The following HIPK3 variants were observed in gnomAD, a reference collection of about 807,000 sequenced individuals.
The protein encoded by HIPK3 is homeodomain-interacting protein kinase 3.
HIPK3 carries 47 observed loss-of-function variants against 124.2 expected under a neutral mutation model. The observed-to-expected ratio is 0.38, with a 90% confidence interval of 0.30 to 0.48. The LOEUF (loss-of-function observed/expected upper bound fraction) is 0.48. Ranked by LOEUF, HIPK3 falls within the 20% of genes least tolerant of loss-of-function variation. The pLI is 0.98. For missense variants in HIPK3, 1,286 were observed against 1,454.3 expected, an observed-to-expected ratio of 0.88 and a Z score of 1.88; for synonymous variants, 482 against 515.2, an observed-to-expected ratio of 0.94 and a Z score of 0.87.
intron 16 of HIPK3, 146 bp from the exon 17 acceptor site, chr11:33,352,946 T>C (rs1200487080): frequency 8.8e-6 from 5 of 565,678 alleles, no homozygotes; most frequent in African/African-American, 3.7e-5. Context: ...TTTTCTCTCC[T>C]CTAGTTATTC....
intron 3 of HIPK3, among the ~76,000 whole-genome samples, chr11:33,333,214 G>T (rs1054871890): frequency 6.6e-6 from 1 of 152,212 alleles, no homozygotes; most frequent in African/African-American, 2.4e-5. Flanking sequence ...TGGGATTTGT[G>T]AAGTATGGAA....
chr11:33,258,266 G>C (rs1463380889), intron 1 of HIPK3: 1 of 978,780 alleles, frequency 1.0e-6, no homozygotes, highest in East Asian at 1.2e-4. Context: ...GTTTTGTTTA[G>C]TCCCACGGGG....
chr11:33,335,181 C>T (rs1445512580), intron 3 of HIPK3, among the ~76,000 whole-genome samples: 1 of 152,020 alleles, frequency 6.6e-6, no homozygotes, highest in Non-Finnish European at 1.5e-5. Context: ...TAGAGTCCAG[C>T]CAGGTTGAAA....
At position 33,328,642 on chromosome 11, in the gene HIPK3, TA is replaced by T; in HGVS notation, c.1221+11del. The stretch of plus-strand genomic sequence containing the variant: ...CCTTGGAGTATGATCAGGTAACAAA[TA>T]ATGATAATCTAATAGAATTGGTAAA... On this transcript the variant is annotated intron_variant, in intron 3 of 16. Transcript: ENST00000303296. The T allele has an allele frequency of 6.2e-7, 1 of 1,611,820 alleles. No individual in the cohort carries two copies. The highest frequency in any genetic ancestry group is 8.5e-7 in the Non-Finnish European group (1 of 1,178,414).
intron 1 of HIPK3, among the ~76,000 whole-genome samples, chr11:33,274,671 A>G (rs1851225418): frequency 1.3e-5 from 2 of 152,166 alleles, no homozygotes; most frequent in Non-Finnish European, 2.9e-5. Context: ...TATAGCTTTT[A>G]AAAATCTAGA....
intron 1 of HIPK3, among the ~76,000 whole-genome samples, chr11:33,259,365 T>C (rs918253086): frequency 6.6e-6 from 1 of 152,246 alleles, no homozygotes; most frequent in Non-Finnish European, 1.5e-5. Context: ...ATTCTGCTTA[T>C]GTTTGCAAGT....
At chr11:33,268,348 A>G (rs936432592) in intron 1 of HIPK3, among the ~76,000 whole-genome samples, 1 of 152,114 alleles carries the variant, frequency 6.6e-6, no homozygotes, top group African/African-American at 2.4e-5. Flanking sequence ...TAATCCTAGC[A>G]CTTTAGGAGG....
chr11:33,341,378 A>G (rs2133987308), intron 7 of HIPK3, among the ~76,000 whole-genome samples, 185 bp from the exon 8 acceptor site: 3 of 152,286 alleles, frequency 2.0e-5, no homozygotes, highest in Admixed American at 2.0e-4. Flanking sequence ...CCACAACTCT[A>G]CCAAAAGTAG....
chr11:33,297,950 T>C (rs749954932), intron 2 of HIPK3, among the ~76,000 whole-genome samples: 3 of 151,844 alleles, frequency 2.0e-5, no homozygotes, highest in South Asian at 2.1e-4. Flanking sequence ...CTACCATGCC[T>C]AGCTAATTTT....
intron 1 of HIPK3, among the ~76,000 whole-genome samples, chr11:33,274,569 A>C (rs977577358): frequency 1.3e-5 from 2 of 152,224 alleles, no homozygotes; most frequent in African/African-American, 4.8e-5. Context: ...TATTAATCTT[A>C]AGTTTACATC....
intron 8 of HIPK3, among the ~76,000 whole-genome samples, chr11:33,346,624 A>C (rs986508549): frequency 1.3e-5 from 2 of 152,248 alleles, no homozygotes; most frequent in Admixed American, 1.3e-4. Flanking sequence ...TTGTCAGCAT[A>C]CTAAGCCAGA....
At chr11:33,276,233 C>T (rs1851265894) in intron 1 of HIPK3, among the ~76,000 whole-genome samples, 1 of 151,880 alleles carries the variant, frequency 6.6e-6, no homozygotes, top group Non-Finnish European at 1.5e-5. Flanking sequence ...TTAACTCTAA[C>T]TAATTGCATA....
intron 1 of HIPK3, among the ~76,000 whole-genome samples, chr11:33,261,664 G>A (rs1374277654): frequency 2.0e-5 from 3 of 152,134 alleles, no homozygotes; most frequent in Non-Finnish European, 2.9e-5. Context: ...CTTGTGAATA[G>A]TGTTACAGTG....
chr11:33,343,271 G>GTA (rs1488011784), intron 8 of HIPK3, among the ~76,000 whole-genome samples: 2 of 150,790 alleles, frequency 1.3e-5, no homozygotes, highest in Non-Finnish European at 2.9e-5. Flanking sequence ...GTGTGTGTGT[G>GTA]TGTGTGTGTG....
At chr11:33,315,236 G>A (rs1016640508) in intron 2 of HIPK3, among the ~76,000 whole-genome samples, 2 of 151,992 alleles carry the variant, frequency 1.3e-5, no homozygotes, top group African/African-American at 4.8e-5. Context: ...CTTACATATT[G>A]TGAGATTTTT....
At chr11:33,268,591 C>CAAAAAAAAAAAAAAAAAAA (rs35408664) in intron 1 of HIPK3, among the ~76,000 whole-genome samples, 1 of 76,036 alleles carries the variant, frequency 1.3e-5, no homozygotes, top group Non-Finnish European at 2.5e-5. Context: ...ACTCCGTCAC[C>CAAAAAAAAAAAAAAAAAAA]AAAAAAAAAA....
Position 33,356,072 on chromosome 11 carries a change from A to G in HIPK3, c.*2504A>G, listed in dbSNP as rs1423815648. The G allele has an allele frequency of 6.6e-6, 1 of 152,058 alleles. No individual in the cohort carries two copies. The allele number at this position is 152,058 out of a possible 1,614,324, so 9.4% of individuals were successfully genotyped here. The stretch of plus-strand genomic sequence containing the variant: ...CCAAGTGCAAAGGATTGATTGTATC[A>G]CAACAGGTACAAAACTGACAGAGTT... On this transcript the variant is annotated 3_prime_UTR_variant, in exon 17 of 17. Coordinates refer to ENST00000303296, the MANE Select transcript of HIPK3 (RefSeq NM_005734.5).
chr11:33,320,794 TG>T (rs1006545500), intron 2 of HIPK3, among the ~76,000 whole-genome samples: 3 of 152,100 alleles, frequency 2.0e-5, no homozygotes, highest in African/African-American at 7.2e-5. Context: ...GAAGTGAGTT[TG>T]GGGGAATCAG....
chr11:33,326,115 C>CT (rs1241512234), intron 2 of HIPK3, among the ~76,000 whole-genome samples: 2 of 152,116 alleles, frequency 1.3e-5, no homozygotes, highest in African/African-American at 4.8e-5. Flanking sequence ...TAGAAAACAG[C>CT]TTGTTCATTA....
Sources: gnomAD v4.1 joint callset for allele counts (sites outside exome capture counted in the v4.1 genomes callset) on GRCh38, gnomAD v4.1.1 for gene constraint, MANE v1.5 for transcripts, NCBI Gene and HGNC (gene_info 2026-07-23, HGNC 2026-07-21) for gene names.